STS: variants seen among roughly 807,000 people sequenced by gnomAD.
STS encodes the protein steryl-sulfatase.
Under a neutral mutation model 26.8 loss-of-function variants are expected in STS, and 7 were observed. The ratio of observed to expected loss-of-function variants is 0.26; its 90% CI spans 0.15 to 0.49. The LOEUF (loss-of-function observed/expected upper bound fraction) is 0.49, where lower values mean the gene tolerates loss of function less well. Ranked by LOEUF, STS falls within the 20% of genes least tolerant of loss-of-function variation. The pLI, the probability that STS is intolerant of heterozygous loss-of-function variation, is 0.98. For synonymous variants in STS, 199 were observed against 189.4 expected (o/e 1.05, Z -0.42); for missense variants, 434 against 465.6 (o/e 0.93, Z 0.63).
chrX:7,154,936 A>T (rs746863063), intron 1 of STS, among the ~76,000 whole-genome samples: 16 of 112,455 alleles, frequency 1.4e-4, no homozygotes, highest in Non-Finnish European at 2.6e-4. Context: ...CCAACCAGTC[A>T]TTTCTAGGAT....
rs1278407681 is a variant in STS at position 7,353,205 on chromosome X, A to G, written c.*2944A>G. ...AAAGATTCGTCAACTTTCTTAGCTC[A>G]AGAGAGAGGCTGAGAAATGCAGAGA... is the stretch of plus-strand genomic sequence containing the variant. On this transcript the variant is annotated 3_prime_UTR_variant, in exon 11 of 11. Transcript: ENST00000674429. The G allele has an allele frequency of 2.7e-5, 3 of 111,270 alleles. No individual in the cohort carries two copies. The highest frequency in any genetic ancestry group is 9.8e-5 in the African/African-American group (3 of 30,621). The allele number at this position is 111,270 out of a possible 1,213,427, so 9.2% of individuals were successfully genotyped here. A position where few individuals can be genotyped will look rare whatever the true frequency, so the allele number is the denominator to read the frequency against.
intron 1 of STS, among the ~76,000 whole-genome samples, chrX:7,163,799 A>G (rs998556475): frequency 1.8e-5 from 2 of 112,162 alleles, no homozygotes; most frequent in African/African-American, 6.5e-5. Flanking sequence ...CATCCCACAG[A>G]TTGTGGGTAT....
At chrX:7,182,922 A>G (rs1933709209) in intron 1 of STS, among the ~76,000 whole-genome samples, 1 of 111,060 alleles carries the variant, frequency 9.0e-6, no homozygotes, top group Non-Finnish European at 1.9e-5. Context: ...TGGTGGATGT[A>G]ATTAGCCAAG....
chrX:7,279,279 GAAAA>G (rs1224859237), intron 7 of STS, among the ~76,000 whole-genome samples: 5 of 47,231 alleles, frequency 1.1e-4, no homozygotes, highest in African/African-American at 2.9e-4. Flanking sequence ...ACTCCAGGAA[GAAAA>G]AAAAAAAAAA....
chrX:7,177,666 C>T (rs1200982802), intron 1 of STS, among the ~76,000 whole-genome samples: 1 of 108,807 alleles, frequency 9.2e-6, no homozygotes, highest in East Asian at 2.9e-4. Flanking sequence ...GCACATGCCA[C>T]CACACCCGGC....
At chrX:7,214,204 G>C (rs727519) in intron 2 of STS, among the ~76,000 whole-genome samples, 26,253 of 111,777 alleles carry the variant, frequency 0.23, 2,523 homozygotes, top group Admixed American at 0.41. Context: ...TTTCCCCCTT[G>C]AACATGTTCC....
chrX:7,153,823 C>T (rs181961066), intron 1 of STS, among the ~76,000 whole-genome samples: 6,938 of 102,753 alleles, frequency 0.068, 242 homozygotes, highest in Middle Eastern at 0.12. Flanking sequence ...CCCTCCCTCT[C>T]TGCTTCCTTC....
At chrX:7,271,574 C>G (rs1924270314) in intron 6 of STS, among the ~76,000 whole-genome samples, 1 of 110,952 alleles carries the variant, frequency 9.0e-6, no homozygotes, top group African/African-American at 3.3e-5. Flanking sequence ...GCTAGGATGA[C>G]AATTACAGTG....
intron 2 of STS, among the ~76,000 whole-genome samples, chrX:7,245,095 G>A (rs769339737): frequency 9.0e-6 from 1 of 111,663 alleles, no homozygotes; most frequent in Non-Finnish European, 1.9e-5. Context: ...GCACTCTTAT[G>A]GGGACAGGAG....
At chrX:7,152,302 G>T (rs1215329836) in intron 1 of STS, among the ~76,000 whole-genome samples, 2 of 111,723 alleles carry the variant, frequency 1.8e-5, no homozygotes, top group African/African-American at 6.5e-5. Context: ...AGTTTACCAA[G>T]ATTTATTTTT....
intron 2 of STS, among the ~76,000 whole-genome samples, chrX:7,203,564 A>T (rs1934114751): frequency 8.9e-6 from 1 of 111,745 alleles, no homozygotes; most frequent in South Asian, 3.7e-4. Flanking sequence ...ATACACTATG[A>T]TTAAATTGTA....
chrX:7,261,314 T>TG (rs1466874603), intron 6 of STS, among the ~76,000 whole-genome samples: 2 of 111,494 alleles, frequency 1.8e-5, no homozygotes, highest in African/African-American at 6.5e-5. Flanking sequence ...TCCAATTAAT[T>TG]GCATGACACA....
chrX:7,175,674 C>T (rs749568404), intron 1 of STS, among the ~76,000 whole-genome samples: 3 of 111,872 alleles, frequency 2.7e-5, no homozygotes, highest in South Asian at 3.8e-4. Context: ...CTGTTTCCTC[C>T]AGCATGAGCT....
At chrX:7,241,366 A>T (rs1922611177) in intron 2 of STS, among the ~76,000 whole-genome samples, 1 of 111,972 alleles carries the variant, frequency 8.9e-6, no homozygotes, top group African/African-American at 3.2e-5. Context: ...GTTAGTCCTC[A>T]TATAGAGCCT....
intron 1 of STS, among the ~76,000 whole-genome samples, chrX:7,183,242 A>G (rs1258758234): frequency 8.9e-6 from 1 of 112,192 alleles, no homozygotes; most frequent in Non-Finnish European, 1.9e-5. Context: ...GACTATTCAT[A>G]GTTCCCCAGG....
rs112212398 is a variant in STS, at chrX:7,215,116, T to TACAC, written c.-5+24128_-5+24131dup. ...ATATGTGTATATATATACACATATATACACACACACACACACACACACATA... is the reference window on the plus strand; with the variant it reads ...ATATGTGTATATATATACACATATATACACACACACACACACACACACACACATA... On this transcript the variant is annotated intron_variant, in intron 2 of 10. Transcript: ENST00000674429. Among the ~76,000 whole-genome samples, 17 of 80,812 alleles carry TACAC rather than the reference T, an allele frequency of 2.1e-4. No homozygotes were observed. In the South Asian group the frequency reaches 7.1e-3, roughly 34 times the overall value. 70.2% of individuals were successfully genotyped at this position (80,812 alleles called of 115,157 possible). A position where few individuals can be genotyped will look rare whatever the true frequency, so the allele number is the denominator to read the frequency against.
At chrX:7,279,962 T>TTA (rs1201432079) in intron 7 of STS, among the ~76,000 whole-genome samples, 5 of 111,676 alleles carry the variant, frequency 4.5e-5, no homozygotes, top group African/African-American at 1.6e-4. Flanking sequence ...CCACCTCAGG[T>TTA]TACAGAATTC....
chrX:7,307,860 C>T (rs1160848381), intron 8 of STS, among the ~76,000 whole-genome samples: 1 of 111,965 alleles, frequency 8.9e-6, no homozygotes, highest in Admixed American at 9.5e-5. Flanking sequence ...TGGAAGGGGT[C>T]CACTTTCTGA....
intron 6 of STS, among the ~76,000 whole-genome samples, chrX:7,274,557 C>T (rs1440273508): frequency 8.9e-6 from 1 of 112,150 alleles, no homozygotes; most frequent in Non-Finnish European, 1.9e-5. Flanking sequence ...AAGAAGCACC[C>T]ATGGGACTTA....
Sources: gnomAD v4.1 joint callset for allele counts (sites outside exome capture counted in the v4.1 genomes callset) on GRCh38, gnomAD v4.1.1 for gene constraint, MANE v1.5 for transcripts, NCBI Gene and HGNC (gene_info 2026-07-23, HGNC 2026-07-21) for gene names.